Variants in DYNC2I1 observed in about 807,000 individuals in gnomAD.
The protein encoded by DYNC2I1 is dynein 2 intermediate chain 1.
DYNC2I1 carries 89 observed loss-of-function variants against 133.4 expected under a neutral mutation model. That is an observed-to-expected ratio of 0.67 (90% CI 0.56 to 0.80). The LOEUF is 0.80. Among genes scored for constraint, DYNC2I1 ranks in the 30% least tolerant of loss-of-function variants. The pLI is 0.00. For missense variants in DYNC2I1, 1,291 were observed against 1,314.5 expected, an observed-to-expected ratio of 0.98 and a Z score of 0.28; for synonymous variants, 504 against 484.3, an observed-to-expected ratio of 1.04 and a Z score of -0.54.
chr7:158,893,410 A>G (rs1845429616), intron 8 of DYNC2I1, among the ~76,000 whole-genome samples: 1 of 152,200 alleles, frequency 6.6e-6, no homozygotes, highest in South Asian at 2.1e-4. Flanking sequence ...AATATGCCTA[A>G]CTACTGAAGC....
intron 21 of DYNC2I1, among the ~76,000 whole-genome samples, chr7:158,933,874 T>G (rs532769512): frequency 1.3e-5 from 2 of 152,314 alleles, no homozygotes; most frequent in East Asian, 3.9e-4. Flanking sequence ...CTCTGAAATT[T>G]ACAACCAAGT....
intron 23 of DYNC2I1, among the ~76,000 whole-genome samples, chr7:158,940,901 A>G (rs1242819357): frequency 6.6e-6 from 1 of 152,218 alleles, no homozygotes; most frequent in Non-Finnish European, 1.5e-5. Context: ...CAAATAAACA[A>G]TGTAACAATG....
chr7:158,876,178 TC>T (rs1346067135), intron 3 of DYNC2I1, among the ~76,000 whole-genome samples: 3 of 152,140 alleles, frequency 2.0e-5, no homozygotes, highest in Admixed American at 2.0e-4. Context: ...AGCAGTCACG[TC>T]TTACAGGGCC....
chr7:158,857,045 G>GC (rs1841327658), intron 1 of DYNC2I1, among the ~76,000 whole-genome samples: 1 of 152,110 alleles, frequency 6.6e-6, no homozygotes, highest in Non-Finnish European at 1.5e-5. Context: ...CCTGGAGGCG[G>GC]CCTCGGCCCC....
intron 5 of DYNC2I1, among the ~76,000 whole-genome samples, chr7:158,881,261 G>A (rs569741449): frequency 5.7e-4 from 87 of 152,178 alleles, no homozygotes; most frequent in African/African-American, 2.0e-3. Flanking sequence ...CGCAGCCCAC[G>A]CCCTCTGTTT....
chr7:158,843,787 G>T, the DYNC2I1 span, among the ~76,000 whole-genome samples: 3 of 152,162 alleles, frequency 2.0e-5, no homozygotes. Flanking sequence ...TGCTGAGGTT[G>T]AAGACAAGCC....
At chr7:158,920,634 G>A (rs922419220) in intron 15 of DYNC2I1, among the ~76,000 whole-genome samples, 3 of 106,552 alleles carry the variant, frequency 2.8e-5, no homozygotes, top group Non-Finnish European at 6.3e-5. Flanking sequence ...TGGGGAACTC[G>A]TGAAGTGTGT....
In DYNC2I1 at chr7:158,902,664, C is replaced by G. The variant is rs1846365785; in HGVS notation, c.1357+69C>G. ...TCTGTGTACTGAGCCCTCACAGATG[C>G]TGTCACACACAGGCCTACTCTAATA... On this transcript the variant is annotated intron_variant, in intron 10 of 24. Coordinates refer to ENST00000407559, the MANE Select transcript of DYNC2I1 (RefSeq NM_018051.5). The G allele has an allele frequency of 4.3e-6, 6 of 1,380,488 alleles. No individual in the cohort carries two copies. In the Admixed American group the frequency reaches 5.8e-5, roughly 13 times the overall value. The allele number at this position is 1,380,488 out of a possible 1,614,324, so 85.5% of individuals were successfully genotyped here. A position where few individuals can be genotyped will look rare whatever the true frequency, so the allele number is the denominator to read the frequency against.
At chr7:158,922,280 T>G (rs1412845125) in intron 15 of DYNC2I1, 97 bp from the exon 16 acceptor site, 6 of 1,282,196 alleles carry the variant, frequency 4.7e-6, no homozygotes, top group South Asian at 1.4e-5. Flanking sequence ...TGTTTCTTCA[T>G]GAAGCTGAAT....
chr7:158,915,001 C>G (rs533804207), intron 14 of DYNC2I1, among the ~76,000 whole-genome samples: 2 of 152,366 alleles, frequency 1.3e-5, no homozygotes, highest in East Asian at 1.9e-4. Context: ...GTAAGCTCAG[C>G]ACTTGAGTCT....
At chr7:158,919,899 C>G (rs1848845436) in intron 15 of DYNC2I1, among the ~76,000 whole-genome samples, 2 of 152,254 alleles carry the variant, frequency 1.3e-5, no homozygotes, top group Non-Finnish European at 2.9e-5. Flanking sequence ...GGAGCCGACA[C>G]TGAGCAGTGA....
At chr7:158,896,751 G>A (rs1845793450) in intron 8 of DYNC2I1, among the ~76,000 whole-genome samples, 1 of 152,112 alleles carries the variant, frequency 6.6e-6, no homozygotes, top group African/African-American at 2.4e-5. Flanking sequence ...GGGATTACAG[G>A]TGTGAGCCAC....
chr7:158,896,968 A>G (rs1845813439), intron 8 of DYNC2I1, among the ~76,000 whole-genome samples: 1 of 150,984 alleles, frequency 6.6e-6, no homozygotes, highest in South Asian at 2.1e-4. Context: ...AAGAGAGTGT[A>G]AAGAATTGTA....
intron 11 of DYNC2I1, among the ~76,000 whole-genome samples, chr7:158,908,660 T>A (rs888093383): frequency 1.3e-5 from 2 of 151,960 alleles, no homozygotes; most frequent in Admixed American, 1.3e-4. Flanking sequence ...ATTCCTTAGG[T>A]GTTGGAAGAG....
rs980422184 is a variant in DYNC2I1, at chr7:158,871,406, G to A, written c.334G>A (p.Glu112Lys). 3.9e-6 allele frequency: 6 copies of A among 1,551,618 alleles called. No homozygotes were observed. The African/African-American group carries it at 8.2e-5, about 21-fold the overall frequency. The stretch of plus-strand genomic sequence containing the variant: ...GCTGAAGGAGAAACATCGAGAGGCA[G>A]AAAAGTCTCACAGCAGAGGAAAGGA... The part of the protein sequence containing the change: ...EKLKEKHREA[E>K]KSHSRGKDRE... The change falls in exon 3 of 25, where the codon GAA becomes AAA. Residue 112 changes from glutamate (E) to lysine (K), a missense_variant. By Grantham distance (56) the Glu-to-Lys change is moderately conservative (BLOSUM62 1). Coordinates refer to ENST00000407559, the MANE Select transcript of DYNC2I1 (RefSeq NM_018051.5).
At chr7:158,905,925 A>G (rs1846760571) in intron 10 of DYNC2I1, 64 bp from the exon 11 acceptor site, 1 of 1,283,486 alleles carries the variant, frequency 7.8e-7, no homozygotes, top group Admixed American at 2.0e-5. Flanking sequence ...TTTACTCCAG[A>G]TATTTTTTTG....
chr7:158,904,849 T>TTTA (rs1846603225), intron 10 of DYNC2I1: 1 of 231,970 alleles, frequency 4.3e-6, no homozygotes, highest in Non-Finnish European at 8.5e-6. Flanking sequence ...AGCCACACCC[T>TTTA]CTGCATTGCT....
chr7:158,875,686 CCTGGCTTCCTTGTTGATTCAGGGGCCT>C (rs1302032918), intron 3 of DYNC2I1, among the ~76,000 whole-genome samples: 2 of 152,094 alleles, frequency 1.3e-5, no homozygotes, highest in Admixed American at 6.5e-5. Flanking sequence ...GTCAGCTGCA[CCTGGCTTCCTTGTTGATTCAGGGGCCT>C]CTGGCTTCCT....
At chr7:158,958,471 G>C (rs777364453), downstream of DYNC2I1, among the ~76,000 whole-genome samples, 1 of 152,254 alleles carries the variant, frequency 6.6e-6, no homozygotes. Flanking sequence ...GAGCAGAACG[G>C]ATGCTCGTCC....
Sources: allele counts gnomAD v4.1 joint callset (sites outside exome capture counted in the v4.1 genomes callset), GRCh38; gene constraint gnomAD v4.1.1; transcripts MANE v1.5; gene names NCBI Gene and HGNC (gene_info 2026-07-23, HGNC 2026-07-21).